Variants in CSMD3 observed in about 807,000 individuals in gnomAD.
CSMD3 encodes the protein CUB and Sushi multiple domains 3, also known as CUB and sushi domain-containing protein 3.
In CSMD3, 177 loss-of-function variants were observed where a neutral mutation model predicts 435.2. That is an observed-to-expected ratio of 0.41 (90% confidence interval 0.36 to 0.46). CSMD3 has a LOEUF of 0.46. Among genes scored for constraint, CSMD3 ranks in the 20% least tolerant of loss-of-function variants. CSMD3 has a pLI of 0.34. For synonymous variants in CSMD3, 1,656 were observed against 1,520.5 expected, an observed-to-expected ratio of 1.09 and a Z score of -2.07; for missense variants, 4,265 against 4,504.6, an observed-to-expected ratio of 0.95 and a Z score of 1.52.
At chr8:112,405,715 A>G (rs1043035332) in intron 35 of CSMD3, among the ~76,000 whole-genome samples, 3 of 151,954 alleles carry the variant, frequency 2.0e-5, no homozygotes, top group African/African-American at 7.2e-5. Flanking sequence ...ATTTTTATAC[A>G]TATCTGTAAC....
intron 29 of CSMD3, among the ~76,000 whole-genome samples, chr8:112,504,528 A>G (rs1030754071): frequency 6.6e-6 from 1 of 152,198 alleles, no homozygotes. Flanking sequence ...TAAATAACTC[A>G]AATGAAGCTT....
intron 10 of CSMD3, among the ~76,000 whole-genome samples, chr8:112,882,024 A>T (rs1264180003): frequency 6.6e-6 from 1 of 151,730 alleles, no homozygotes; most frequent in Non-Finnish European, 1.5e-5. Context: ...TTTCTGGGAG[A>T]CTGGTAGGTA....
intron 3 of CSMD3, among the ~76,000 whole-genome samples, chr8:113,231,223 T>A (rs991377825): frequency 4.0e-5 from 6 of 151,390 alleles, no homozygotes; most frequent in African/African-American, 1.4e-4. Flanking sequence ...TATACCTTGG[T>A]TGTCAGTTTG....
chr8:112,525,603 C>G (rs951052828), intron 27 of CSMD3, among the ~76,000 whole-genome samples: 1 of 148,580 alleles, frequency 6.7e-6, no homozygotes, highest in African/African-American at 2.4e-5. Flanking sequence ...CACCTGTAGT[C>G]CCAGCTACTT....
intron 13 of CSMD3, among the ~76,000 whole-genome samples, chr8:112,756,981 C>G (rs556100365): frequency 6.6e-6 from 1 of 152,126 alleles, no homozygotes; most frequent in South Asian, 2.1e-4. Flanking sequence ...GTTGGCCATG[C>G]TGGTCTCAAA....
intron 38 of CSMD3, among the ~76,000 whole-genome samples, chr8:112,357,846 T>A (rs547865185): frequency 1.3e-5 from 2 of 152,022 alleles, no homozygotes; most frequent in South Asian, 4.2e-4. Context: ...TCTGATAGGG[T>A]AGTGTGGAAG....
At chr8:112,522,035 G>A (rs1404297555) in intron 27 of CSMD3, among the ~76,000 whole-genome samples, 1 of 151,600 alleles carries the variant, frequency 6.6e-6, no homozygotes, top group African/African-American at 2.4e-5. Flanking sequence ...TACTTTTTAT[G>A]CCAGTGATTT....
At chr8:112,742,278 C>G (rs1018072004) in intron 13 of CSMD3, among the ~76,000 whole-genome samples, 1 of 151,896 alleles carries the variant, frequency 6.6e-6, no homozygotes, top group Non-Finnish European at 1.5e-5. Flanking sequence ...TGTCATAAGC[C>G]TATCCTATCA....
chr8:113,400,345 C>G (rs2094504289), intron 1 of CSMD3, among the ~76,000 whole-genome samples: 1 of 151,894 alleles, frequency 6.6e-6, no homozygotes, highest in African/African-American at 2.4e-5. Flanking sequence ...CTCCACCTCC[C>G]CCTGCCCCAT....
At chr8:112,491,510 TG>T (rs1234178427) in intron 31 of CSMD3, among the ~76,000 whole-genome samples, 1 of 151,772 alleles carries the variant, frequency 6.6e-6, no homozygotes, top group Non-Finnish European at 1.5e-5. Flanking sequence ...ATTATCTGGG[TG>T]TGGTGGTGTG....
intron 3 of CSMD3, among the ~76,000 whole-genome samples, chr8:113,224,704 G>C (rs1286621242): frequency 6.6e-6 from 1 of 151,144 alleles, no homozygotes; most frequent in East Asian, 1.9e-4. Flanking sequence ...TAAAATTTGT[G>C]TGTGTATTAA....
intron 3 of CSMD3, among the ~76,000 whole-genome samples, chr8:113,185,118 T>G (rs192012720): frequency 9.3e-4 from 142 of 152,152 alleles, no homozygotes; most frequent in Non-Finnish European, 1.2e-3. Flanking sequence ...CCAGGCAATA[T>G]AGGCTGCATT....
intron 27 of CSMD3, among the ~76,000 whole-genome samples, chr8:112,550,342 T>C (rs1201769420): frequency 1.3e-5 from 2 of 151,998 alleles, no homozygotes; most frequent in Admixed American, 6.6e-5. Context: ...AAACTTCATA[T>C]TTTAAAACTT....
chr8:113,102,632 C>A (rs1352796428), intron 4 of CSMD3, among the ~76,000 whole-genome samples: 1 of 152,190 alleles, frequency 6.6e-6, no homozygotes, highest in East Asian at 1.9e-4. Context: ...GGAAGTGATG[C>A]TGGACCAGAA....
At chr8:112,666,242 A>G (rs1305911525) in intron 17 of CSMD3, 35 bp downstream of exon 17, 13 of 1,495,130 alleles carry the variant, frequency 8.7e-6, no homozygotes, top group Admixed American at 1.7e-5. Context: ...TTTAGATAAT[A>G]TTTTCTTTAA....
intron 2 of CSMD3, among the ~76,000 whole-genome samples, chr8:113,296,631 T>C (rs1173104223): frequency 6.6e-6 from 1 of 152,196 alleles, no homozygotes; most frequent in East Asian, 1.9e-4. Flanking sequence ...AGAAGGGATT[T>C]TCATGAGAAG....
intron 59 of CSMD3, among the ~76,000 whole-genome samples, chr8:112,267,564 T>G (rs745340813): frequency 1.3e-5 from 2 of 152,078 alleles, no homozygotes; most frequent in Admixed American, 1.3e-4. Context: ...AGATTTTTAA[T>G]TAGGAAGAGG....
chr8:113,009,086 C>A (rs2086162604), intron 6 of CSMD3, among the ~76,000 whole-genome samples: 1 of 151,432 alleles, frequency 6.6e-6, no homozygotes, highest in Non-Finnish European at 1.5e-5. Flanking sequence ...TACATGGCTA[C>A]AAGAAAAATT....
At chr8:112,805,758 G>C (rs2079070928) in intron 12 of CSMD3, among the ~76,000 whole-genome samples, 1 of 152,054 alleles carries the variant, frequency 6.6e-6, no homozygotes, top group African/African-American at 2.4e-5. Context: ...GTTGCTGTTT[G>C]CTGTTTTACT....
Sources: gnomAD v4.1 joint callset for allele counts (sites outside exome capture counted in the v4.1 genomes callset) on GRCh38, gnomAD v4.1.1 for gene constraint, MANE v1.5 for transcripts, NCBI Gene and HGNC (gene_info 2026-07-23, HGNC 2026-07-21) for gene names.